Variants in DCDC2 observed in about 807,000 individuals in gnomAD.
DCDC2 encodes doublecortin domain-containing protein 2.
DCDC2 carries 40 observed loss-of-function variants against 50.2 expected under a neutral mutation model. The ratio of observed to expected loss-of-function variants is 0.80; its 90% CI spans 0.62 to 1.04. The LOEUF is 1.04. Among genes scored for constraint, DCDC2 ranks in the 50% least tolerant of loss-of-function variants. DCDC2 has a pLI of 0.00. For missense variants in DCDC2, 570 were observed against 581.9 expected, an observed-to-expected ratio of 0.98 and a Z score of 0.21; for synonymous variants, 234 against 210.6, an observed-to-expected ratio of 1.11 and a Z score of -0.96.
chr6:24,202,060 A>G (rs1761601281), intron 8 of DCDC2, among the ~76,000 whole-genome samples: 1 of 152,136 alleles, frequency 6.6e-6, no homozygotes, highest in African/African-American at 2.4e-5. Flanking sequence ...AGACATATAA[A>G]AAGGAGCTGG....
intron 2 of DCDC2, among the ~76,000 whole-genome samples, chr6:24,312,682 A>AGT (rs1431536063): frequency 6.6e-6 from 1 of 152,140 alleles, no homozygotes; most frequent in Admixed American, 6.6e-5. Context: ...TTATCTGTCA[A>AGT]GTGTGGATTA....
the DCDC2 span, among the ~76,000 whole-genome samples, chr6:24,379,679 C>A: frequency 6.6e-6 from 1 of 152,168 alleles, no homozygotes; most frequent in Admixed American, 6.5e-5. Context: ...ACCCAGCGAT[C>A]CCATTACTGG....
the DCDC2 span, among the ~76,000 whole-genome samples, chr6:24,366,760 T>C: frequency 6.6e-6 from 1 of 152,218 alleles, no homozygotes; most frequent in Non-Finnish European, 1.5e-5. Context: ...TAGACTTTCA[T>C]TTCTGACAAC....
chr6:24,220,270 C>T (rs889670779), intron 7 of DCDC2, among the ~76,000 whole-genome samples: 2 of 152,108 alleles, frequency 1.3e-5, no homozygotes, highest in African/African-American at 4.8e-5. Context: ...ATTTCATGCT[C>T]TTAAGTTTTG....
chr6:24,225,119 G>A lies in DCDC2; in HGVS notation c.923-20017C>T, dbSNP rs1055935383. Among the ~76,000 whole-genome samples, 7 of 152,194 alleles carry A rather than the reference G, an allele frequency of 4.6e-5. No homozygotes were observed. In the South Asian group the frequency reaches 1.5e-3, roughly 32 times the overall value. On this transcript the variant is annotated intron_variant, in intron 7 of 9. Coordinates refer to ENST00000378454, the MANE Select transcript of DCDC2 (RefSeq NM_016356.5). ...CCAAGTCCCCTCCTCCAATTTGGGG[G>A]TCCCTCCCATACCCAGATTTTTATA... is the stretch of plus-strand genomic sequence containing the variant.
In DCDC2 at chr6:24,173,626, A is replaced by G. The variant is rs1760834917; in HGVS notation, c.*1104T>C. 6.6e-6 allele frequency: 1 copy of G among 152,192 alleles called. No individual in the cohort carries two copies. The highest frequency in any genetic ancestry group is 2.4e-5 in the African/African-American group (1 of 41,464). 9.4% of individuals were successfully genotyped at this position (152,192 alleles called of 1,614,324 possible). On this transcript the variant is annotated 3_prime_UTR_variant, in exon 10 of 10. Transcript: ENST00000378454. Reference sequence around the variant, plus strand: ...GTGATTCAGGAATTGGTTTCATTATAATAACTTCTAAAGTTTTACAATTTC... The same window carrying G: ...GTGATTCAGGAATTGGTTTCATTATGATAACTTCTAAAGTTTTACAATTTC...
intron 2 of DCDC2, among the ~76,000 whole-genome samples, chr6:24,339,222 ATAT>A (rs1444467388): frequency 6.6e-6 from 1 of 151,990 alleles, no homozygotes; most frequent in Admixed American, 6.6e-5. Context: ...GTCACAACGT[ATAT>A]ATCATTTCTT....
At chr6:24,282,669 C>T (rs757427785) in intron 6 of DCDC2, among the ~76,000 whole-genome samples, 10 of 150,224 alleles carry the variant, frequency 6.7e-5, no homozygotes, top group Non-Finnish European at 1.5e-4. Context: ...AACATATAGA[C>T]CAAAAAACAT....
intron 7 of DCDC2, among the ~76,000 whole-genome samples, chr6:24,211,441 G>T (rs1488187218): frequency 6.6e-6 from 1 of 152,152 alleles, no homozygotes; most frequent in African/African-American, 2.4e-5. Context: ...CATCCTGATC[G>T]TAAGAAACTG....
chr6:24,189,557 G>A (rs1476913667), intron 8 of DCDC2, among the ~76,000 whole-genome samples: 1 of 152,136 alleles, frequency 6.6e-6, no homozygotes, highest in Non-Finnish European at 1.5e-5. Context: ...CACTTTAGCA[G>A]TAAATGTGAT....
chr6:24,296,190 GTTC>G lies in DCDC2; in HGVS notation c.558-5115_558-5113del, dbSNP rs1561763863. Among the ~76,000 whole-genome samples the G allele has an allele frequency of 2.0e-5, 3 of 152,240 alleles. No homozygotes were observed. In the East Asian group the frequency reaches 5.8e-4, roughly 29 times the overall value. ...TAACACAGTACACCTACTTCCATCT[GTTC>G]TTCGACAAAACTAACAAAAACAAGC... is the stretch of plus-strand genomic sequence containing the variant. On this transcript the variant is annotated intron_variant, in intron 4 of 9. Coordinates refer to ENST00000378454, the MANE Select transcript of DCDC2 (RefSeq NM_016356.5).
intron 2 of DCDC2, among the ~76,000 whole-genome samples, chr6:24,339,860 T>G (rs1320462307): frequency 6.6e-6 from 1 of 152,202 alleles, no homozygotes; most frequent in East Asian, 1.9e-4. Flanking sequence ...CCAAATTTGA[T>G]GCACACATCA....
chr6:24,247,334 T>TA (rs201174653), intron 7 of DCDC2, among the ~76,000 whole-genome samples: 8,240 of 150,106 alleles, frequency 0.055, 284 homozygotes, highest in Middle Eastern at 0.094. Flanking sequence ...TTTAACTATT[T>TA]TTATATATAT....
intron 6 of DCDC2, among the ~76,000 whole-genome samples, chr6:24,282,156 T>C (rs769672656): frequency 6.6e-6 from 1 of 152,106 alleles, no homozygotes; most frequent in Non-Finnish European, 1.5e-5. Context: ...TATCAGTATA[T>C]CCAAAAGGAA....
intron 7 of DCDC2, among the ~76,000 whole-genome samples, chr6:24,237,706 T>C (rs1762477455): frequency 6.6e-6 from 1 of 152,146 alleles, no homozygotes; most frequent in South Asian, 2.1e-4. Context: ...AAAGAAAATG[T>C]AGTACATATA....
intron 2 of DCDC2, among the ~76,000 whole-genome samples, chr6:24,322,476 C>CCCTTTGT (rs1759789559): frequency 6.9e-6 from 1 of 144,196 alleles, no homozygotes; most frequent in Admixed American, 7.5e-5. Flanking sequence ...ATCTCCTTTC[C>CCCTTTGT]CCTTTGTTTT....
In DCDC2 at chr6:24,301,833, C is replaced by T; in HGVS notation, c.439G>A (p.Gly147Arg). The T allele has an allele frequency of 6.2e-7, 1 of 1,614,138 alleles. No homozygotes were observed. Among genetic ancestry groups the T allele is most frequent in the Non-Finnish European group, 8.5e-7 (1 of 1,180,014 alleles). ...CGAGAAGCTGGGTTTATGAGGTCTCCATTTGCAATCAAGCTGGAAAACAGG... is the reference window on the plus strand; with the variant it reads ...CGAGAAGCTGGGTTTATGAGGTCTCTATTTGCAATCAAGCTGGAAAACAGG... Reference protein sequence around the residue: ...EPCTIFLIANGDLINPASRLL... With the variant: ...EPCTIFLIANRDLINPASRLL... Residue 147 changes from glycine (G) to arginine (R), a missense_variant, in exon 4 of 10, where the codon GGA becomes AGA. By Grantham distance (125) the Gly-to-Arg change is moderately radical. Coordinates refer to ENST00000378454, the MANE Select transcript of DCDC2 (RefSeq NM_016356.5).
Position 24,231,912 on chromosome 6 carries a change from G to T in DCDC2, c.923-26810C>A, listed in dbSNP as rs975822303. ...TACAACAGTAGCTCTCAGGCAGAGAGAAATTATTCACTGAGCACATTAAAA... is the reference window on the plus strand; with the variant it reads ...TACAACAGTAGCTCTCAGGCAGAGATAAATTATTCACTGAGCACATTAAAA... On this transcript the variant is annotated intron_variant, in intron 7 of 9. Transcript: ENST00000378454. Among the ~76,000 whole-genome samples, 4 of 152,008 alleles carry T rather than the reference G, an allele frequency of 2.6e-5. No homozygotes were observed. The South Asian group carries it at 6.2e-4, about 24-fold the overall frequency.
At position 24,239,488 on chromosome 6, in the gene DCDC2, G is replaced by T. The variant is rs372843445; in HGVS notation, c.923-34386C>A. On this transcript the variant is annotated intron_variant, in intron 7 of 9. Coordinates refer to ENST00000378454, the MANE Select transcript of DCDC2 (RefSeq NM_016356.5). Reference sequence around the variant, plus strand: ...CTCAAAGCCAATTCACTTTCTTCTGGTAACAAGCACTGCCCCTGTAACACC... The same window carrying T: ...CTCAAAGCCAATTCACTTTCTTCTGTTAACAAGCACTGCCCCTGTAACACC... Among the ~76,000 whole-genome samples the T allele has an allele frequency of 2.6e-5, 4 of 152,244 alleles. No individual in the cohort carries two copies. In the South Asian group the frequency reaches 6.2e-4, roughly 24 times the overall value.
Sources: gnomAD v4.1 joint callset for allele counts (sites outside exome capture counted in the v4.1 genomes callset) on GRCh38, gnomAD v4.1.1 for gene constraint, MANE v1.5 for transcripts, NCBI Gene and HGNC (gene_info 2026-07-23, HGNC 2026-07-21) for gene names.